Variants in PACS2 observed in about 807,000 individuals in gnomAD.
PACS2 encodes PACS1-like protein.
PACS2 carries 36 observed loss-of-function variants against 113.0 expected under a neutral mutation model. That is an observed-to-expected ratio of 0.32 (90% CI 0.24 to 0.42). The LOEUF is 0.42. PACS2 is among the 10% of genes least tolerant of loss of function. The probability of loss-of-function intolerance (pLI) is 1.00; values close to 1 mark genes in which losing one functional copy is unlikely to be tolerated. For synonymous variants in PACS2, 589 were observed against 536.1 expected (o/e 1.10, Z -1.36); for missense variants, 1,015 against 1,239.5 (o/e 0.82, Z 2.72).
intron 7 of PACS2, among the ~76,000 whole-genome samples, chr14:105,369,501 G>T (rs1200775493): frequency 1.3e-5 from 2 of 152,224 alleles, no homozygotes; most frequent in African/African-American, 2.4e-5. Context: ...CCACGTGGGT[G>T]CCCAGCACCT....
At position 105,384,289 on chromosome 14, in the gene PACS2, C is replaced by G. The variant is rs587604384; in HGVS notation, c.1781-64C>G. The G allele has an allele frequency of 3.7e-3, 3,528 of 966,358 alleles. 15 individuals are homozygous for G. Among genetic ancestry groups the G allele is most frequent in the South Asian group, 9.8e-3 (705 of 72,180 alleles). 59.9% of individuals were successfully genotyped at this position (966,358 alleles called of 1,614,324 possible). On this transcript the variant is annotated intron_variant, in intron 16 of 24. Coordinates refer to ENST00000447393, the MANE Select transcript of PACS2 (RefSeq NM_001100913.3). ...GGGTCGGGTGGCCCAGCTTTTGTGC[C>G]GCGGTGGGAGCCTTGCAGCTCCGAG...
At position 105,348,953 on chromosome 14, in the gene PACS2, G is replaced by A. The variant is rs2060046656; in HGVS notation, c.207+373G>A. 2.0e-5 allele frequency among the ~76,000 whole-genome samples: 3 copies of A among 152,214 alleles called. No individual in the cohort carries two copies. Among genetic ancestry groups the A allele is most frequent in the Admixed American group, 6.5e-5 (1 of 15,292 alleles). On this transcript the variant is annotated intron_variant, in intron 2 of 24. Coordinates refer to ENST00000447393, the MANE Select transcript of PACS2 (RefSeq NM_001100913.3). The surrounding 1 kb of genome is among the most constrained non-coding windows in gnomAD (Gnocchi z 6.4). ...TGGGGTGGAGGGCGTCGGTGGGAGAGGGGAGCAGGGCACTCTGGGAGGCGA... is the reference window on the plus strand; with the variant it reads ...TGGGGTGGAGGGCGTCGGTGGGAGAAGGGAGCAGGGCACTCTGGGAGGCGA...
intron 1 of PACS2, among the ~76,000 whole-genome samples, chr14:105,346,295 CT>C (rs2059914749): frequency 6.6e-6 from 1 of 152,114 alleles, no homozygotes; most frequent in Non-Finnish European, 1.5e-5. Context: ...TCCTGTGCTG[CT>C]TTTTGACCTA....
intron 16 of PACS2, chr14:105,383,945 T>C (rs2081084286): frequency 7.2e-6 from 2 of 276,678 alleles, no homozygotes; most frequent in Admixed American, 5.0e-5. Flanking sequence ...ATTACTTCTT[T>C]AGGTCCATAC....
At chr14:105,367,988 T>C (rs1555408357) in intron 5 of PACS2, 86 bp from the exon 6 acceptor site, 1 of 838,496 alleles carries the variant, frequency 1.2e-6, no homozygotes, top group Non-Finnish European at 2.1e-6. Flanking sequence ...CCCCACTCTG[T>C]GTCCAGGGAA....
At chr14:105,368,178 C>T (rs782760340) in intron 6 of PACS2, 31 bp downstream of exon 6, 1 of 1,492,456 alleles carries the variant, frequency 6.7e-7, no homozygotes, top group Non-Finnish European at 9.3e-7. Flanking sequence ...CGCGCCCTCT[C>T]CTGGCTCACA....
upstream of PACS2, among the ~76,000 whole-genome samples, chr14:105,313,934 C>A (rs1484710658): frequency 1.3e-5 from 2 of 152,260 alleles, no homozygotes; most frequent in Admixed American, 1.3e-4. Context: ...TCCCCAAGTT[C>A]ACTGTTAACC....
chr14:105,323,617 G>A lies in PACS2; in HGVS notation c.119+8580G>A, dbSNP rs2058979890. ...TGGACTATTTCAAGTGTGTGTATTT[G>A]GGAGAGCAGTGCTGCTGGAGTGGTG... On this transcript the variant is annotated intron_variant, in intron 1 of 24. Coordinates refer to ENST00000447393, the MANE Select transcript of PACS2 (RefSeq NM_001100913.3). The surrounding 1 kb of genome is among the most constrained non-coding windows in gnomAD (Gnocchi z 4.1). 6.6e-6 allele frequency among the ~76,000 whole-genome samples: 1 copy of A among 152,330 alleles called. No homozygotes were observed. Among genetic ancestry groups the A allele is most frequent in the South Asian group, 2.1e-4 (1 of 4,826 alleles).
chr14:105,344,400 C>T (rs1233344160), intron 1 of PACS2, among the ~76,000 whole-genome samples: 2 of 152,026 alleles, frequency 1.3e-5, no homozygotes, highest in Non-Finnish European at 2.9e-5. Context: ...AAGTGATTCT[C>T]CCACACCCGG....
At position 105,391,239 on chromosome 14, in the gene PACS2, G is replaced by C. The variant is rs371823339; in HGVS notation, c.2109G>C (p.Ser703=). ...AGGTTGGAATTGTGGAGCCATCCTC[G>C]GCCACATCAGGTAACCCCGTCCCAC... The part of the protein sequence containing the change: ...VVKVGIVEPS[S]ATSGDSDDAA... The change falls in exon 21 of 25, where the codon TCG becomes TCC. Residue 703 remains serine, a synonymous_variant. Transcript: ENST00000447393. 1.2e-6 allele frequency: 2 copies of C among 1,612,630 alleles called. No homozygotes were observed. The highest frequency in any genetic ancestry group is 1.7e-6 in the Non-Finnish European group (2 of 1,178,946).
In PACS2 at chr14:105,381,993, C is replaced by A; in HGVS notation, c.1348C>A (p.Arg450=). ...GCAGGCAGCACGGCCCCAGAATGAG[C>A]GGGCCAACAGCCTGGACAACGAGCG... is the stretch of plus-strand genomic sequence containing the variant. ...ERQAARPQNE[R]ANSLDNERCP... Residue 450 remains arginine (R), a synonymous_variant, in exon 13 of 25, where the codon CGG becomes AGG. Transcript: ENST00000447393. 6.5e-7 allele frequency: 1 copy of A among 1,550,118 alleles called. No individual in the cohort carries two copies. Among genetic ancestry groups the A allele is most frequent in the Non-Finnish European group, 8.7e-7 (1 of 1,147,092 alleles).
Position 105,382,419 on chromosome 14 carries a change from T to C in PACS2, c.1414-58T>C, listed in dbSNP as rs2141245922. The C allele has an allele frequency of 5.0e-6, 5 of 1,006,722 alleles. No homozygotes were observed. The East Asian group carries it at 1.2e-4, about 24-fold the overall frequency. 62.4% of individuals were successfully genotyped at this position (1,006,722 alleles called of 1,614,324 possible). On this transcript the variant is annotated intron_variant, in intron 13 of 24. Transcript: ENST00000447393. ...GGCACTGCAGGCACCAGGGCTGGCG[T>C]GGTGGGGATGGGCGCTGTGCTTCTC...
At chr14:105,379,393 C>T (rs587630626) in intron 9 of PACS2, among the ~76,000 whole-genome samples, 50 of 152,362 alleles carry the variant, frequency 3.3e-4, no homozygotes, top group African/African-American at 1.2e-3. Context: ...CAGTGGAGCT[C>T]TCCCCAGAGC....
rs1312968610 is a variant in PACS2, at chr14:105,348,112, A to G, written c.120-381A>G. Reference sequence around the variant, plus strand: ...CTGGGGCTGGATAGGGCCGCGGGAGAGGGGAGGCCTGTGCTCTCACAGCTG... The same window carrying G: ...CTGGGGCTGGATAGGGCCGCGGGAGGGGGGAGGCCTGTGCTCTCACAGCTG... On this transcript the variant is annotated intron_variant, in intron 1 of 24. Transcript: ENST00000447393. This position sits in a 1 kb window ranked among gnomAD's most constrained non-coding sequence, Gnocchi z 6.4. Among the ~76,000 whole-genome samples the G allele has an allele frequency of 6.6e-6, 1 of 151,770 alleles. No individual in the cohort carries two copies. Among genetic ancestry groups the G allele is most frequent in the African/African-American group, 2.4e-5 (1 of 41,278 alleles).
rs1048171450 is a variant in PACS2 at position 105,323,190 on chromosome 14, A to G, written c.119+8153A>G. On this transcript the variant is annotated intron_variant, in intron 1 of 24. Coordinates refer to ENST00000447393, the MANE Select transcript of PACS2 (RefSeq NM_001100913.3). The surrounding 1 kb of genome is among the most constrained non-coding windows in gnomAD (Gnocchi z 4.1). ...CTGACTTTGTGGATCGATGATTTTC[A>G]TGAGTCCCGGGAAGCTCTCAGCCAC... is the stretch of plus-strand genomic sequence containing the variant. Among the ~76,000 whole-genome samples the G allele has an allele frequency of 6.6e-6, 1 of 152,170 alleles. No homozygotes were observed. The highest frequency in any genetic ancestry group is 2.4e-5 in the African/African-American group (1 of 41,418).
chr14:105,362,505 T>C (rs2060763221), intron 4 of PACS2, among the ~76,000 whole-genome samples: 1 of 151,884 alleles, frequency 6.6e-6, no homozygotes, highest in South Asian at 2.1e-4. Context: ...ATCAGAGGAA[T>C]CACTGTCTAT....
chr14:105,381,031 G>A lies in PACS2; in HGVS notation c.1200G>A (p.Val400=), dbSNP rs782670994. 1 of 1,612,652 alleles carries A rather than the reference G, an allele frequency of 6.2e-7. No individual in the cohort carries two copies. The highest frequency in any genetic ancestry group is 8.5e-7 in the Non-Finnish European group (1 of 1,179,786). Residue 400 remains valine, a synonymous_variant, in exon 12 of 25, where the codon GTG becomes GTA. Transcript: ENST00000447393. ...SPEAEASTLD[V]FTERLPPSGR... ...AGGCTGAGGCCTCCACCCTGGATGT[G>A]TTCACGGAGAGGCTGCCGCCCAGCG...
At chr14:105,303,595 T>C (rs1384973463) in intron 1 of PACS2, among the ~76,000 whole-genome samples, 3 of 152,224 alleles carry the variant, frequency 2.0e-5, no homozygotes, top group Non-Finnish European at 4.4e-5. Context: ...AGATCTCTTT[T>C]CCTTTATAAA....
chr14:105,385,935 C>T (rs1023411722), intron 19 of PACS2, among the ~76,000 whole-genome samples: 13 of 152,218 alleles, frequency 8.5e-5, no homozygotes, highest in Admixed American at 6.5e-5. Context: ...TTCCTCCATC[C>T]GATCTCTGAC....
Sources: allele counts gnomAD v4.1 joint callset (sites outside exome capture counted in the v4.1 genomes callset), GRCh38; gene constraint gnomAD v4.1.1; non-coding constraint Gnocchi (gnomAD v3.1); transcripts MANE v1.5; gene names NCBI Gene and HGNC (gene_info 2026-07-23, HGNC 2026-07-21).